The following GPC5 variants were observed in gnomAD, a reference collection of about 807,000 sequenced individuals.
GPC5 encodes glypican-5.
In GPC5, 47 loss-of-function variants were observed where a neutral mutation model predicts 53.9. The ratio of observed to expected loss-of-function variants is 0.87; its 90% CI spans 0.69 to 1.11. GPC5 has a LOEUF of 1.11. Among genes scored for constraint, GPC5 ranks in the 50% most tolerant of loss-of-function variants. The pLI, the probability that GPC5 is intolerant of heterozygous loss-of-function variation, is 0.00. For synonymous variants in GPC5, 286 were observed against 263.3 expected, an observed-to-expected ratio of 1.09 and a Z score of -0.84; for missense variants, 748 against 713.1, an observed-to-expected ratio of 1.05 and a Z score of -0.56.
rs80189132 is a variant in GPC5, at chr13:91,569,653, T to C, written c.325+120731T>C. On this transcript the variant is annotated intron_variant, in intron 2 of 7. Transcript: ENST00000377067. ...ATGGCATCCTTTCCAAAATTCGTATTGTAGCTTAATCCTCATTTTGGTAGT... is the reference window on the plus strand; with the variant it reads ...ATGGCATCCTTTCCAAAATTCGTATCGTAGCTTAATCCTCATTTTGGTAGT... 5.2e-3 allele frequency among the ~76,000 whole-genome samples: 793 copies of C among 152,286 alleles called. 16 individuals carry two copies. The East Asian group carries it at 0.054, about 10-fold the overall frequency.
At chr13:91,746,961 GGTCT>G (rs2037063757) in intron 4 of GPC5, among the ~76,000 whole-genome samples, 1 of 151,802 alleles carries the variant, frequency 6.6e-6, no homozygotes, top group African/African-American at 2.4e-5. Context: ...TTTCTATGTT[GGTCT>G]GTCTGTTTGT....
chr13:92,792,850 ATG>A (rs1876513752), intron 7 of GPC5, among the ~76,000 whole-genome samples: 1 of 152,188 alleles, frequency 6.6e-6, no homozygotes, highest in East Asian at 1.9e-4. Flanking sequence ...CTAAAGATAT[ATG>A]CAACCAATAC....
At chr13:91,631,505 G>A (rs1484345265) in intron 2 of GPC5, among the ~76,000 whole-genome samples, 1 of 152,060 alleles carries the variant, frequency 6.6e-6, no homozygotes, top group Admixed American at 6.6e-5. Flanking sequence ...AAAAATAAGT[G>A]TTTTAGACCT....
At chr13:91,433,217 T>C (rs1879635771) in intron 1 of GPC5, among the ~76,000 whole-genome samples, 1 of 152,142 alleles carries the variant, frequency 6.6e-6, no homozygotes, top group Admixed American at 6.5e-5. Flanking sequence ...TTTTTAATTA[T>C]ACTTTAAGTT....
chr13:91,600,736 G>A (rs1349602434), intron 2 of GPC5, among the ~76,000 whole-genome samples: 2 of 151,980 alleles, frequency 1.3e-5, no homozygotes, highest in Non-Finnish European at 2.9e-5. Flanking sequence ...TTAAAATAAT[G>A]CATATAATGC....
chr13:92,609,790 T>G (rs1234602166), intron 7 of GPC5, among the ~76,000 whole-genome samples: 3 of 152,140 alleles, frequency 2.0e-5, no homozygotes, highest in African/African-American at 7.2e-5. Flanking sequence ...CCAGCACTTT[T>G]GGGAGGCCCA....
At chr13:92,695,507 ATC>A (rs1887532106) in intron 7 of GPC5, among the ~76,000 whole-genome samples, 2 of 151,842 alleles carry the variant, frequency 1.3e-5, no homozygotes, top group South Asian at 4.2e-4. Flanking sequence ...AAGTATTTAT[ATC>A]TGTTTTTTTT....
intron 1 of GPC5, among the ~76,000 whole-genome samples, chr13:91,443,494 G>A (rs1880584187): frequency 6.6e-6 from 1 of 152,166 alleles, no homozygotes; most frequent in Non-Finnish European, 1.5e-5. Flanking sequence ...TGTCATGGTA[G>A]CCCAAGCAGA....
intron 7 of GPC5, among the ~76,000 whole-genome samples, chr13:92,211,924 G>A (rs1263625117): frequency 3.3e-5 from 5 of 152,112 alleles, no homozygotes; most frequent in Non-Finnish European, 7.3e-5. Flanking sequence ...TTGGCCTGTT[G>A]ATTGCAAAAG....
chr13:91,935,797 C>T (rs149772279), intron 6 of GPC5, among the ~76,000 whole-genome samples: 162 of 152,058 alleles, frequency 1.1e-3, no homozygotes, highest in African/African-American at 3.7e-3. Context: ...ATTGACTTTG[C>T]TGGTTTTGAC....
At chr13:92,836,359 T>A (rs555479347) in intron 7 of GPC5, among the ~76,000 whole-genome samples, 125 of 152,186 alleles carry the variant, frequency 8.2e-4, no homozygotes, top group African/African-American at 2.7e-3. Context: ...TCCAAATTTA[T>A]TTTCTTCCAG....
intron 2 of GPC5, among the ~76,000 whole-genome samples, chr13:91,549,896 A>T (rs2030525777): frequency 6.6e-6 from 1 of 152,060 alleles, no homozygotes; most frequent in Non-Finnish European, 1.5e-5. Context: ...CAGCAGTCAT[A>T]CTCCCTGCTT....
At chr13:92,827,955 G>A (rs1877909274) in intron 7 of GPC5, among the ~76,000 whole-genome samples, 1 of 152,088 alleles carries the variant, frequency 6.6e-6, no homozygotes, top group African/African-American at 2.4e-5. Context: ...GGAGCTACAA[G>A]TTACCACACC....
At chr13:92,381,984 A>G (rs1454901740) in intron 7 of GPC5, among the ~76,000 whole-genome samples, 2 of 143,756 alleles carry the variant, frequency 1.4e-5, no homozygotes, top group Non-Finnish European at 3.1e-5. Context: ...CTATCTATCT[A>G]TCTATCTATC....
chr13:91,787,132 A>G (rs2037892399), intron 5 of GPC5, among the ~76,000 whole-genome samples: 1 of 152,152 alleles, frequency 6.6e-6, no homozygotes, highest in South Asian at 2.1e-4. Flanking sequence ...AGACAATCAT[A>G]TTGTCTGTAA....
intron 5 of GPC5, among the ~76,000 whole-genome samples, chr13:91,858,305 G>A (rs920411229): frequency 2.0e-5 from 3 of 151,828 alleles, no homozygotes; most frequent in African/African-American, 7.3e-5. Context: ...CTGAGGGTCT[G>A]TTCTATATGG....
At chr13:92,618,623 T>C (rs531958728) in intron 7 of GPC5, among the ~76,000 whole-genome samples, 22 of 150,126 alleles carry the variant, frequency 1.5e-4, no homozygotes, top group Non-Finnish European at 3.0e-4. Context: ...CACATATTAA[T>C]AGACATGTTG....
chr13:92,148,164 C>G (rs537797677), intron 7 of GPC5, among the ~76,000 whole-genome samples: 1 of 151,996 alleles, frequency 6.6e-6, no homozygotes, highest in African/African-American at 2.4e-5. Flanking sequence ...CTACATATAA[C>G]TATATATAGT....
intron 7 of GPC5, among the ~76,000 whole-genome samples, chr13:92,728,169 G>T (rs906880784): frequency 6.6e-6 from 1 of 151,350 alleles, no homozygotes; most frequent in Admixed American, 6.6e-5. Flanking sequence ...TTTGCCATAG[G>T]CATTTATAAA....
Sources: allele counts gnomAD v4.1 joint callset (sites outside exome capture counted in the v4.1 genomes callset), GRCh38; gene constraint gnomAD v4.1.1; transcripts MANE v1.5; gene names NCBI Gene and HGNC (gene_info 2026-07-23, HGNC 2026-07-21).